CSMD1: variants seen among roughly 807,000 people sequenced by gnomAD.
The protein encoded by CSMD1 is CUB and sushi domain-containing protein 1.
A neutral mutation model predicts 417.5 loss-of-function variants in CSMD1; 213 were observed. The ratio of observed to expected loss-of-function variants is 0.51; its 90% CI spans 0.46 to 0.57. CSMD1 has a LOEUF of 0.57. Among genes scored for constraint, CSMD1 ranks in the 20% least tolerant of loss-of-function variants. The probability of loss-of-function intolerance (pLI) is 0.00; values close to 1 mark genes in which losing one functional copy is unlikely to be tolerated. For synonymous variants in CSMD1, 2,862 were observed against 1,736.8 expected, an observed-to-expected ratio of 1.65 and a Z score of -16.11; for missense variants, 6,923 against 4,529.7, an observed-to-expected ratio of 1.53 and a Z score of -15.17.
rs557491457 is a variant in CSMD1, at chr8:4,890,986, A to G, written c.85+103346T>C. On this transcript the variant is annotated intron_variant, in intron 1 of 69. Coordinates refer to ENST00000635120, the MANE Select transcript of CSMD1 (RefSeq NM_033225.6). ...TGGTGTTTGATTTCATAGTAAGAAC[A>G]CATGTTTTCAATCAAGACCTCTCCA... Among the ~76,000 whole-genome samples, 1,223 of 152,220 alleles carry G rather than the reference A, an allele frequency of 8.0e-3. 6 individuals are homozygous for G. Among genetic ancestry groups the G allele is most frequent in the Non-Finnish European group, 0.012 (846 of 68,024 alleles).
At chr8:4,106,296 C>T (rs1056752796) in intron 3 of CSMD1, among the ~76,000 whole-genome samples, 1 of 152,096 alleles carries the variant, frequency 6.6e-6, no homozygotes, top group African/African-American at 2.4e-5. Flanking sequence ...TGGGAAAATA[C>T]GTTAGAGCTT....
chr8:4,832,645 G>A (rs902074270), intron 1 of CSMD1, among the ~76,000 whole-genome samples: 4 of 152,106 alleles, frequency 2.6e-5, no homozygotes, highest in African/African-American at 9.7e-5. Context: ...TCTGCTAAAT[G>A]CTTTAAATAT....
At chr8:2,986,112 G>A (rs996247998) in intron 54 of CSMD1, among the ~76,000 whole-genome samples, 1 of 152,036 alleles carries the variant, frequency 6.6e-6, no homozygotes, top group Non-Finnish European at 1.5e-5. Flanking sequence ...TATAGTTTTG[G>A]CTTTTAGGTG....
At chr8:3,532,331 G>C (rs1210701939) in intron 10 of CSMD1, among the ~76,000 whole-genome samples, 4 of 152,144 alleles carry the variant, frequency 2.6e-5, no homozygotes, top group East Asian at 1.9e-4. Flanking sequence ...AGGGTTTTAA[G>C]AATCTCCTGG....
At chr8:3,069,499 G>A (rs145195960) in intron 49 of CSMD1, among the ~76,000 whole-genome samples, 305 of 152,078 alleles carry the variant, frequency 2.0e-3, no homozygotes, top group African/African-American at 6.9e-3. Flanking sequence ...ACACCCAGCA[G>A]GGCAGTCAGT....
rs555950558 is a variant in CSMD1 at position 4,486,572 on chromosome 8, T to G, written c.303-66507A>C. 2.0e-5 allele frequency among the ~76,000 whole-genome samples: 3 copies of G among 152,182 alleles called. No homozygotes were observed. In the South Asian group the frequency reaches 6.2e-4, roughly 32 times the overall value. On this transcript the variant is annotated intron_variant, in intron 2 of 69. Coordinates refer to ENST00000635120, the MANE Select transcript of CSMD1 (RefSeq NM_033225.6). ...AGTAAGCATAACAGAAGCTTATCAA[T>G]GCATATATAAGAAGTCCATCTTTCT...
At chr8:3,291,343 ATAAGT>A (rs1402314658) in intron 25 of CSMD1, among the ~76,000 whole-genome samples, 3 of 105,504 alleles carry the variant, frequency 2.8e-5, no homozygotes, top group South Asian at 7.4e-4. Context: ...GCCCCATAAA[ATAAGT>A]TAGGGAGGAT....
chr8:3,752,867 C>T (rs568167711), intron 6 of CSMD1, among the ~76,000 whole-genome samples: 1 of 152,200 alleles, frequency 6.6e-6, no homozygotes, highest in African/African-American at 2.4e-5. Flanking sequence ...TGTTTCTCTA[C>T]TGGTCATCCT....
intron 37 of CSMD1, among the ~76,000 whole-genome samples, chr8:3,169,953 G>A (rs994362122): frequency 6.6e-6 from 1 of 151,856 alleles, no homozygotes; most frequent in African/African-American, 2.4e-5. Context: ...CCCATCACAC[G>A]CCCACCTCAT....
intron 10 of CSMD1, among the ~76,000 whole-genome samples, chr8:3,570,045 A>C (rs1799881173): frequency 6.6e-6 from 1 of 152,240 alleles, no homozygotes; most frequent in African/African-American, 2.4e-5. Flanking sequence ...GAAAAAATAA[A>C]CTTCTAAAAG....
At chr8:3,604,439 G>C (rs1047873058) in intron 8 of CSMD1, among the ~76,000 whole-genome samples, 10 of 152,108 alleles carry the variant, frequency 6.6e-5, no homozygotes, top group Non-Finnish European at 1.2e-4. Context: ...ATTGCTGAGA[G>C]GACAGAAGAT....
In CSMD1 at chr8:3,437,225, T is replaced by G. The variant is rs148264323; in HGVS notation, c.1562-27620A>C. Among the ~76,000 whole-genome samples, 1,153 of 152,314 alleles carry G rather than the reference T, an allele frequency of 7.6e-3. 14 individuals are homozygous for G. Among genetic ancestry groups the G allele is most frequent in the African/African-American group, 0.026 (1,092 of 41,576 alleles). On this transcript the variant is annotated intron_variant, in intron 12 of 69. Coordinates refer to ENST00000635120, the MANE Select transcript of CSMD1 (RefSeq NM_033225.6). ...AAAATCCTGTCTGTTGCTCACTTGATTTGATGTATCCTTGTCTAATACCAC... is the reference window on the plus strand; with the variant it reads ...AAAATCCTGTCTGTTGCTCACTTGAGTTGATGTATCCTTGTCTAATACCAC...
chr8:3,481,051 G>T (rs1217339336), intron 11 of CSMD1, among the ~76,000 whole-genome samples: 1 of 151,152 alleles, frequency 6.6e-6, no homozygotes, highest in South Asian at 2.1e-4. Context: ...AGCTACTAGG[G>T]AGGCTGAGGC....
At chr8:2,958,998 A>T (rs1329231395) in intron 62 of CSMD1, among the ~76,000 whole-genome samples, 1 of 152,242 alleles carries the variant, frequency 6.6e-6, no homozygotes, top group African/African-American at 2.4e-5. Context: ...GTATGAATTT[A>T]TAAAGAAAAG....
At chr8:4,250,517 G>C (rs1014825177) in intron 3 of CSMD1, among the ~76,000 whole-genome samples, 1 of 152,112 alleles carries the variant, frequency 6.6e-6, no homozygotes, top group Non-Finnish European at 1.5e-5. Context: ...GGAATTATAT[G>C]TATATCGCCC....
At chr8:4,374,974 C>T (rs1014223262) in intron 3 of CSMD1, among the ~76,000 whole-genome samples, 1 of 17,412 alleles carries the variant, frequency 5.7e-5, no homozygotes, top group Non-Finnish European at 1.3e-4. Context: ...GGGGGGGGGG[C>T]GATAGTGGGG....
intron 3 of CSMD1, among the ~76,000 whole-genome samples, chr8:4,242,833 T>C (rs1802481439): frequency 6.6e-6 from 1 of 152,206 alleles, no homozygotes; most frequent in Non-Finnish European, 1.5e-5. Context: ...CATGTGACTA[T>C]TAGTGAAGTC....
intron 7 of CSMD1, among the ~76,000 whole-genome samples, chr8:3,664,593 G>A (rs917146280): frequency 6.6e-6 from 1 of 152,218 alleles, no homozygotes; most frequent in African/African-American, 2.4e-5. Context: ...GTTTTCCTCT[G>A]CCTTGTATTA....
chr8:4,799,023 G>C lies in CSMD1; in HGVS notation c.86-161465C>G, dbSNP rs141146802. On this transcript the variant is annotated intron_variant, in intron 1 of 69. Transcript: ENST00000635120. ...CTCCTCCATCCTCTGATATCCAGGGGGGTTTCCAGCAGGAGCGTGGGCTGG... is the reference window on the plus strand; with the variant it reads ...CTCCTCCATCCTCTGATATCCAGGGCGGTTTCCAGCAGGAGCGTGGGCTGG... Among the ~76,000 whole-genome samples the C allele has an allele frequency of 1.9e-3, 286 of 152,236 alleles. 4 individuals are homozygous for C. The highest frequency in any genetic ancestry group is 0.013 in the Admixed American group (205 of 15,292).
Sources: gnomAD v4.1 joint callset for allele counts (sites outside exome capture counted in the v4.1 genomes callset) on GRCh38, gnomAD v4.1.1 for gene constraint, MANE v1.5 for transcripts, NCBI Gene and HGNC (gene_info 2026-07-23, HGNC 2026-07-21) for gene names.